The following TCHHL1 variants were observed in gnomAD, a reference collection of about 807,000 sequenced individuals.
The protein encoded by TCHHL1 is trichohyalin-like protein 1.
In TCHHL1, 1 loss-of-function variant was observed where a neutral mutation model predicts 3.5. That is an observed-to-expected ratio of 0.29 (90% CI 0.10 to 1.36). TCHHL1 has a LOEUF of 1.36. TCHHL1 is among the 40% of genes most tolerant of loss of function. The pLI is 0.43. For synonymous variants in TCHHL1, 405 were observed against 375.3 expected, an observed-to-expected ratio of 1.08 and a Z score of -0.92; for missense variants, 1,027 against 1,032.8, an observed-to-expected ratio of 0.99 and a Z score of 0.08.
At position 152,087,077 on chromosome 1, in the gene TCHHL1, T is replaced by G; in HGVS notation, c.605A>C (p.Asn202Thr). 1 of 1,614,204 alleles carries G rather than the reference T, an allele frequency of 6.2e-7. No homozygotes were observed. The highest frequency in any genetic ancestry group is 1.1e-5 in the South Asian group (1 of 91,076). The change falls in exon 3 of 3, where the codon AAT (asparagine) becomes ACT (threonine). Residue 202 changes from asparagine (N) to threonine (T), a missense_variant. Around this residue, in one of 3 missense-constraint regions of TCHHL1, gnomAD observed 338 missense variants for 335.9 expected, o/e 1.01. Transcript: ENST00000368806. ...VAQDIQTTED[N>T]EGQLKTNKPM... ...CTTATTTGTCTTAAGTTGGCCTTCA[T>G]TGTCTTCTGTTGTTTGTATATCTTG...
Position 152,086,692 on chromosome 1 carries a change from C to T in TCHHL1, c.990G>A (p.Met330Ile). The T allele has an allele frequency of 6.2e-7, 1 of 1,614,202 alleles. No individual in the cohort carries two copies. Among genetic ancestry groups the T allele is most frequent in the Non-Finnish European group, 8.5e-7 (1 of 1,180,036 alleles). ...KSTDSKDVCR[M>I]FDTQEPGKDA... ...CCTTTCCTGGTTCTTGAGTGTCAAA[C>T]ATTCTACAGACATCCTTGGAATCAG... Residue 330 changes from methionine to isoleucine, a missense_variant, in exon 3 of 3, where the codon ATG becomes ATA. Around this residue, in one of 3 missense-constraint regions of TCHHL1, gnomAD observed 673 missense variants for 658.6 expected, o/e 1.02. Transcript: ENST00000368806.
Position 152,087,256 on chromosome 1 carries a change from A to C in TCHHL1, c.426T>G (p.Ser142=). ...CTCCACTTTCTTCAGGGATGAGCTG[A>C]GATGATGATGCCATTCCTGAAGGAA... ...RMLPSGMASS[S]QLIPEESGAV... is the part of the protein sequence containing the mutation. Residue 142 remains serine, a synonymous_variant, in exon 3 of 3, where the codon TCT becomes TCG. Transcript: ENST00000368806. The C allele has an allele frequency of 1.9e-6, 3 of 1,614,034 alleles. No individual in the cohort carries two copies. Among genetic ancestry groups the C allele is most frequent in the Non-Finnish European group, 2.5e-6 (3 of 1,180,030 alleles).
In TCHHL1 at chr1:152,086,657, T is replaced by C; in HGVS notation, c.1025A>G (p.Gln342Arg). 1 of 1,614,220 alleles carries C rather than the reference T, an allele frequency of 6.2e-7. No individual in the cohort carries two copies. The highest frequency in any genetic ancestry group is 8.5e-7 in the Non-Finnish European group (1 of 1,180,044). Residue 342 changes from glutamine to arginine, a missense_variant, in exon 3 of 3, where the codon CAG (glutamine) becomes CGG (arginine). Around this residue, in one of 3 missense-constraint regions of TCHHL1, gnomAD observed 673 missense variants for 658.6 expected, o/e 1.02. Coordinates refer to ENST00000368806, the MANE Select transcript of TCHHL1 (RefSeq NM_001008536.2). ...DTQEPGKDAD[Q>R]TPAKTKNLGE... is the part of the protein sequence containing the mutation. ...CAAATTCTTTGTTTTAGCTGGTGTC[T>C]GGTCAGCATCCTTTCCTGGTTCTTG...
In TCHHL1 at chr1:152,084,815, TG is replaced by T; in HGVS notation, c.*151del. 1 of 801,266 alleles carries T rather than the reference TG, an allele frequency of 1.2e-6. No homozygotes were observed. Among genetic ancestry groups the T allele is most frequent in the Non-Finnish European group, 1.9e-6 (1 of 518,706 alleles). 49.6% of individuals were successfully genotyped at this position (801,266 alleles called of 1,614,324 possible). On this transcript the variant is annotated 3_prime_UTR_variant, in exon 3 of 3. Transcript: ENST00000368806. ...TTTGTTTGCTCAGATGTTTCTTTAG[TG>T]GTGTCCCCCACTGCTGAATATTTTA...
intron 1 of TCHHL1, 106 bp from the exon 2 acceptor site, chr1:152,088,269 C>A: frequency 1.1e-6 from 1 of 947,196 alleles, no homozygotes; most frequent in Non-Finnish European, 1.5e-6. Flanking sequence ...GCAACCCCTG[C>A]TCTATTCTGT....
chr1:152,087,160 T>C lies in TCHHL1; in HGVS notation c.522A>G (p.Glu174=), dbSNP rs773356427. 3.1e-6 allele frequency: 5 copies of C among 1,614,234 alleles called. No homozygotes were observed. The highest frequency in any genetic ancestry group is 4.2e-6 in the Non-Finnish European group (5 of 1,180,042). Residue 174 remains glutamate, a synonymous_variant, in exon 3 of 3, where the codon GAA becomes GAG. Coordinates refer to ENST00000368806, the MANE Select transcript of TCHHL1 (RefSeq NM_001008536.2). The stretch of plus-strand genomic sequence containing the variant: ...GGTGTTTGTTCTTAGGATCATTGTG[T>C]TCAGATGCTTCTCCTGGAAAGTTGT... ...KTHNFPGEAS[E]HNDPKNKHLE...
chr1:152,087,942 C>A, intron 2 of TCHHL1, 64 bp downstream of exon 2: 1 of 1,512,816 alleles, frequency 6.6e-7, no homozygotes, highest in Non-Finnish European at 8.8e-7. Flanking sequence ...ATATGCTCAT[C>A]TTGCTTGGAT....
intron 1 of TCHHL1, among the ~76,000 whole-genome samples, 164 bp from the exon 2 acceptor site, chr1:152,088,327 C>T (rs1427235335): frequency 6.6e-6 from 1 of 151,984 alleles, no homozygotes; most frequent in Non-Finnish European, 1.5e-5. Context: ...AGTATTGTAC[C>T]AGACATTGTG....
At position 152,088,095 on chromosome 1, in the gene TCHHL1, TG is replaced by T. The variant is rs770889212; in HGVS notation, c.48del (p.His16GlnfsTer13). ...CCGTTACTGTCCTCACTGGCATATT[TG>T]TGGAATGTCTCAATTACACAGAGGA... ...RNVLCVIETF[H>X]KYASEDSNGA... is the part of the protein sequence containing the mutation. On this transcript the variant is annotated frameshift_variant, in exon 2 of 3. Coordinates refer to ENST00000368806, the MANE Select transcript of TCHHL1 (RefSeq NM_001008536.2). LOFTEE classifies it high-confidence loss of function. 2 of 1,610,158 alleles carry T rather than the reference TG, an allele frequency of 1.2e-6. No homozygotes were observed. Among genetic ancestry groups the T allele is most frequent in the Non-Finnish European group, 1.7e-6 (2 of 1,178,660 alleles).
At position 152,086,566 on chromosome 1, in the gene TCHHL1, C is replaced by G; in HGVS notation, c.1116G>C (p.Leu372=). The G allele has an allele frequency of 6.2e-7, 1 of 1,614,172 alleles. No homozygotes were observed. Among genetic ancestry groups the G allele is most frequent in the Non-Finnish European group, 8.5e-7 (1 of 1,180,040 alleles). ...TQEKECETKD[L]PVQYGSRNGS... ...CATTTCTGCTACCATATTGGACTGG[C>G]AGGTCCTTTGTTTCACATTCTTTTT... Residue 372 remains leucine (L), a synonymous_variant, in exon 3 of 3, where the codon CTG becomes CTC. Transcript: ENST00000368806.
rs1657721206 is a variant in TCHHL1, at chr1:152,086,252, G to A, written c.1430C>T (p.Ala477Val). The change falls in exon 3 of 3, where the codon GCA becomes GTA. Residue 477 changes from alanine (A) to valine (V), a missense_variant. Ala to Val is a moderately conservative substitution (Grantham distance 64). Around this residue, in one of 3 missense-constraint regions of TCHHL1, gnomAD observed 673 missense variants for 658.6 expected, o/e 1.02. Transcript: ENST00000368806. The stretch of plus-strand genomic sequence containing the variant: ...GTTTTTGCTGTTCACAAATGCTTCT[G>A]CTGTGCCTTCTTTGGTGTGTTCTGC... The part of the protein sequence containing the change: ...EEAEHTKEGT[A>V]EAFVNSKNAP... 6 of 1,614,184 alleles carry A rather than the reference G, an allele frequency of 3.7e-6. No homozygotes were observed. In the African/African-American group the frequency reaches 4.0e-5, roughly 11 times the overall value.
rs759436797 is a variant in TCHHL1 at position 152,085,921 on chromosome 1, A to G, written c.1761T>C (p.Gly587=). ...GDQHGESVQG[G]HNNNPDTQRQ... ...TCTGGGTATCTGGGTTATTATTGTG[A>G]CCTCCTTGCACAGACTCTCCATGTT... The change falls in exon 3 of 3, where the codon GGT becomes GGC. Residue 587 remains glycine, a synonymous_variant. Transcript: ENST00000368806. 6.2e-7 allele frequency: 1 copy of G among 1,613,532 alleles called. No individual in the cohort carries two copies. Among genetic ancestry groups the G allele is most frequent in the Non-Finnish European group, 8.5e-7 (1 of 1,179,874 alleles).
rs769381399 is a variant in TCHHL1, at chr1:152,087,318, T to C, written c.364A>G (p.Thr122Ala). ...VQATTGDGQWTVGTSPTQEKR... is the reference protein window; with the variant it reads ...VQATTGDGQWAVGTSPTQEKR... ...TCTTGAGTTGGTGAAGTTCCCACTG[T>C]CCACTGACCATCTCCGGTGGTTGCC... Residue 122 changes from threonine (T) to alanine (A), a missense_variant, in exon 3 of 3, where the codon ACA (threonine) becomes GCA (alanine). Thr to Ala is a moderately conservative substitution (Grantham distance 58). Coordinates refer to ENST00000368806, the MANE Select transcript of TCHHL1 (RefSeq NM_001008536.2). 1.9e-6 allele frequency: 3 copies of C among 1,613,936 alleles called. No homozygotes were observed. Among genetic ancestry groups the C allele is most frequent in the African/African-American group, 2.7e-5 (2 of 74,916 alleles).
chr1:152,087,640 T>A (rs1657758931), intron 2 of TCHHL1, 97 bp from the exon 3 acceptor site: 1 of 1,244,034 alleles, frequency 8.0e-7, no homozygotes, highest in East Asian at 2.4e-5. Context: ...CATTCCTCAG[T>A]AACTGGTTAA....
At chr1:152,088,292 T>A in intron 1 of TCHHL1, 129 bp from the exon 2 acceptor site, 1 of 748,778 alleles carries the variant, frequency 1.3e-6, no homozygotes. Context: ...CTTAAAATAT[T>A]ATATCTGAAC....
rs1183866596 is a variant in TCHHL1 at position 152,085,018 on chromosome 1, A to C, written c.2664T>G (p.Pro888=). Reference sequence around the variant, plus strand: ...TTTGTAGTACCAGCCTCTCTCTCTGAGGGTGACCTTGCTTATCTTCCAAGG... The same window carrying C: ...TTTGTAGTACCAGCCTCTCTCTCTGCGGGTGACCTTGCTTATCTTCCAAGG... ...PQALEDKQGH[P]QRERLVLQRE... is the part of the protein sequence containing the mutation. The change falls in exon 3 of 3, where the codon CCT becomes CCG. Residue 888 remains proline, a synonymous_variant. Coordinates refer to ENST00000368806, the MANE Select transcript of TCHHL1 (RefSeq NM_001008536.2). 6 of 1,613,998 alleles carry C rather than the reference A, an allele frequency of 3.7e-6. No individual in the cohort carries two copies. The South Asian group carries it at 6.6e-5, about 18-fold the overall frequency.
rs143917611 is a variant in TCHHL1 at position 152,085,963 on chromosome 1, G to C, written c.1719C>G (p.Ser573=). 142 of 1,614,106 alleles carry C rather than the reference G, an allele frequency of 8.8e-5. No homozygotes were observed. The East Asian group carries it at 1.9e-3, about 22-fold the overall frequency. The change falls in exon 3 of 3, where the codon TCC becomes TCG. Residue 573 remains serine, a synonymous_variant. Coordinates refer to ENST00000368806, the MANE Select transcript of TCHHL1 (RefSeq NM_001008536.2). ...ETGELPVQGD[S]QSQGDQHGES... The stretch of plus-strand genomic sequence containing the variant: ...CTCCATGTTGGTCCCCTTGACTCTG[G>C]GAGTCCCCTTGCACAGGCAGTTCAC...
In TCHHL1 at chr1:152,086,325, C is replaced by T. The variant is rs376275691; in HGVS notation, c.1357G>A (p.Asp453Asn). The change falls in exon 3 of 3, where the codon GAT (aspartate) becomes AAT (asparagine). Residue 453 changes from aspartate to asparagine, a missense_variant. Transcript: ENST00000368806. ...ETQYLSSEGG[D>N]QTHPELEGTA... ...CCTTCAAGTTCAGGGTGAGTCTGATCTCCTCCTTCTGAGCTTAGATATTGT... is the reference window on the plus strand; with the variant it reads ...CCTTCAAGTTCAGGGTGAGTCTGATTTCCTCCTTCTGAGCTTAGATATTGT... The T allele has an allele frequency of 5.0e-6, 8 of 1,614,186 alleles. No individual in the cohort carries two copies. In the South Asian group the frequency reaches 8.8e-5, roughly 18 times the overall value.
At chr1:152,088,958 A>C (rs1285656557) in intron 1 of TCHHL1, 62 bp downstream of exon 1, 2 of 152,188 alleles carry the variant, frequency 1.3e-5, no homozygotes, top group Non-Finnish European at 2.9e-5. Context: ...ATCCTCTTGC[A>C]ATCTCACATA....
Sources: allele counts gnomAD v4.1 joint callset (sites outside exome capture counted in the v4.1 genomes callset), GRCh38; gene constraint gnomAD v4.1.1; regional missense constraint gnomAD v4.1.1; transcripts MANE v1.5; gene names NCBI Gene and HGNC (gene_info 2026-07-23, HGNC 2026-07-21).